OLFM3: variants seen among roughly 807,000 people sequenced by gnomAD.
OLFM3 encodes the protein noelin-3.
A neutral mutation model predicts 48.6 loss-of-function variants in OLFM3; 20 were observed. The observed-to-expected ratio is 0.41, with a 90% CI of 0.29 to 0.60. The LOEUF is 0.60. Among genes scored for constraint, OLFM3 ranks in the 20% least tolerant of loss-of-function variants. The probability of loss-of-function intolerance (pLI) is 0.28; values close to 1 mark genes in which losing one functional copy is unlikely to be tolerated. For synonymous variants in OLFM3, 222 were observed against 198.1 expected, an observed-to-expected ratio of 1.12 and a Z score of -1.01; for missense variants, 437 against 544.3, an observed-to-expected ratio of 0.80 and a Z score of 1.96.
At chr1:101,824,847 T>G (rs1654781950) in intron 4 of OLFM3, among the ~76,000 whole-genome samples, 179 bp downstream of exon 4, 1 of 152,178 alleles carries the variant, frequency 6.6e-6, no homozygotes, top group South Asian at 2.1e-4. Flanking sequence ...AAGAAACCAT[T>G]AGTCTAGCAC....
intron 1 of OLFM3, among the ~76,000 whole-genome samples, chr1:101,935,447 G>A (rs1157448159): frequency 6.6e-6 from 1 of 151,898 alleles, no homozygotes; most frequent in Non-Finnish European, 1.5e-5. Context: ...TCCATGAACT[G>A]ACCAATAATG....
At chr1:101,897,305 A>G (rs1658240551) in intron 1 of OLFM3, among the ~76,000 whole-genome samples, 1 of 152,234 alleles carries the variant, frequency 6.6e-6, no homozygotes, top group Admixed American at 6.5e-5. Flanking sequence ...ACAAGACAGC[A>G]ATTATACTGT....
chr1:101,847,504 A>G (rs963777104), intron 1 of OLFM3, among the ~76,000 whole-genome samples: 27 of 151,056 alleles, frequency 1.8e-4, no homozygotes, highest in African/African-American at 4.9e-4. Flanking sequence ...AATTTTCCAG[A>G]TGATCATATT....
At chr1:101,981,539 C>T (rs753862138) in intron 1 of OLFM3, among the ~76,000 whole-genome samples, 2 of 152,154 alleles carry the variant, frequency 1.3e-5, no homozygotes, top group African/African-American at 2.4e-5. Flanking sequence ...GCTTAAATAC[C>T]GTCTGCACAC....
chr1:101,832,729 G>A (rs1655222388), intron 2 of OLFM3, among the ~76,000 whole-genome samples: 1 of 152,168 alleles, frequency 6.6e-6, no homozygotes, highest in African/African-American at 2.4e-5. Flanking sequence ...GTAATAATAA[G>A]TATTTAGAAT....
chr1:101,812,792 G>A, intron 4 of OLFM3: 2 of 989,366 alleles, frequency 2.0e-6, no homozygotes, highest in Non-Finnish European at 2.4e-6. Flanking sequence ...ATGGTAAAGT[G>A]GTCTTTTGGC....
chr1:101,830,830 G>GA lies in OLFM3; in HGVS notation c.217-4_217-3insT. ...ATAGACTGGGACATGTTCTGAACCTGTTGAACAAGAATATTGTCTGTACAT... is the reference window on the plus strand; with the variant it reads ...ATAGACTGGGACATGTTCTGAACCTGATTGAACAAGAATATTGTCTGTACAT... On this transcript the variant is annotated splice_polypyrimidine_tract_variant and splice_region_variant and intron_variant, in intron 2 of 5. Transcript: ENST00000370103. 6.2e-7 allele frequency: 1 copy of GA among 1,611,872 alleles called. No homozygotes were observed. The highest frequency in any genetic ancestry group is 8.5e-7 in the Non-Finnish European group (1 of 1,179,098).
In OLFM3 at chr1:101,924,209, C is replaced by T. The variant is rs543295289; in HGVS notation, c.69+72539G>A. Among the ~76,000 whole-genome samples the T allele has an allele frequency of 3.3e-5, 5 of 152,238 alleles. No individual in the cohort carries two copies. In the East Asian group the frequency reaches 9.6e-4, roughly 29 times the overall value. ...ATCAATTTTGCACTGATTATGAACA[C>T]TTTTATAGTGAATTATTTGCACAAT... On this transcript the variant is annotated intron_variant, in intron 1 of 5. Transcript: ENST00000370103.
chr1:101,958,219 C>A (rs995972603), intron 1 of OLFM3, among the ~76,000 whole-genome samples: 11 of 152,074 alleles, frequency 7.2e-5, no homozygotes, highest in African/African-American at 2.2e-4. Flanking sequence ...TAATTGTGTC[C>A]ACTGTTTTTA....
intron 1 of OLFM3, among the ~76,000 whole-genome samples, chr1:101,898,114 T>C (rs1156803342): frequency 6.6e-6 from 1 of 152,158 alleles, no homozygotes; most frequent in Admixed American, 6.5e-5. Context: ...TTACCTACAA[T>C]AGAATTATCC....
At chr1:101,926,203 G>T (rs932453252) in intron 1 of OLFM3, among the ~76,000 whole-genome samples, 1 of 152,138 alleles carries the variant, frequency 6.6e-6, no homozygotes. Context: ...CAAGTAAGCC[G>T]TATTCAACCA....
intron 1 of OLFM3, among the ~76,000 whole-genome samples, chr1:101,884,897 GT>G (rs1657686537): frequency 6.6e-6 from 1 of 151,902 alleles, no homozygotes; most frequent in Non-Finnish European, 1.5e-5. Context: ...TGAAACACAC[GT>G]TTCTAATTCA....
chr1:101,880,989 TA>T (rs1200638146), intron 1 of OLFM3, among the ~76,000 whole-genome samples: 1 of 151,910 alleles, frequency 6.6e-6, no homozygotes, highest in Non-Finnish European at 1.5e-5. Flanking sequence ...AATGTTAAGC[TA>T]TCTGAAAAAT....
chr1:101,856,026 G>T (rs1451706092), intron 1 of OLFM3, among the ~76,000 whole-genome samples: 1 of 151,950 alleles, frequency 6.6e-6, no homozygotes, highest in East Asian at 1.9e-4. Flanking sequence ...AAACATCAAA[G>T]TATGAAAGAA....
intron 1 of OLFM3, among the ~76,000 whole-genome samples, chr1:101,883,633 C>T (rs546135172): frequency 6.6e-6 from 1 of 151,984 alleles, no homozygotes; most frequent in South Asian, 2.1e-4. Flanking sequence ...GCTTTTCCAC[C>T]TGGGAACAAT....
At chr1:101,884,415 T>G (rs1657659917) in intron 1 of OLFM3, among the ~76,000 whole-genome samples, 1 of 151,668 alleles carries the variant, frequency 6.6e-6, no homozygotes, top group African/African-American at 2.4e-5. Flanking sequence ...TTAAGAAAAT[T>G]GTTGAGAAAA....
At chr1:101,975,790 A>G (rs756132502) in intron 1 of OLFM3, among the ~76,000 whole-genome samples, 1 of 152,158 alleles carries the variant, frequency 6.6e-6, no homozygotes, top group South Asian at 2.1e-4. Flanking sequence ...CACAGAGGCT[A>G]CTATCTTGAG....
At chr1:101,864,816 G>A (rs1656795341) in intron 1 of OLFM3, among the ~76,000 whole-genome samples, 1 of 152,052 alleles carries the variant, frequency 6.6e-6, no homozygotes, top group Non-Finnish European at 1.5e-5. Context: ...TTCAATACCA[G>A]TGCCAATATG....
chr1:101,863,604 T>C (rs1419865740), intron 1 of OLFM3, among the ~76,000 whole-genome samples: 2 of 152,178 alleles, frequency 1.3e-5, no homozygotes, highest in Non-Finnish European at 2.9e-5. Context: ...GTGATGAGCC[T>C]AGATCAGGAA....
Sources: gnomAD v4.1 joint callset for allele counts (sites outside exome capture counted in the v4.1 genomes callset) on GRCh38, gnomAD v4.1.1 for gene constraint, MANE v1.5 for transcripts, NCBI Gene and HGNC (gene_info 2026-07-23, HGNC 2026-07-21) for gene names.